Variants in UBE2E2 observed in about 807,000 individuals in gnomAD.
UBE2E2 encodes the protein ubiquitin-conjugating enzyme E2 E2.
Under a neutral mutation model 24.7 loss-of-function variants are expected in UBE2E2, and 6 were observed. That is an observed-to-expected ratio of 0.24 (90% CI 0.13 to 0.48). UBE2E2 has a LOEUF of 0.48. Ranked by LOEUF, UBE2E2 falls within the 20% of genes least tolerant of loss-of-function variation. UBE2E2 has a pLI of 0.99. For synonymous variants in UBE2E2, 104 were observed against 83.6 expected, an observed-to-expected ratio of 1.24 and a Z score of -1.33; for missense variants, 169 against 245.0, an observed-to-expected ratio of 0.69 and a Z score of 2.07.
intron 3 of UBE2E2, among the ~76,000 whole-genome samples, chr3:23,293,133 T>G (rs564044807): frequency 1.3e-5 from 2 of 152,354 alleles, no homozygotes; most frequent in East Asian, 3.9e-4. Context: ...ATTAAATATT[T>G]GGCACAGTGC....
chr3:23,551,748 A>C (rs1429882507), intron 5 of UBE2E2, among the ~76,000 whole-genome samples: 1 of 152,186 alleles, frequency 6.6e-6, no homozygotes, highest in Non-Finnish European at 1.5e-5. Flanking sequence ...AGATGACGAT[A>C]GGGATGTAAA....
intron 3 of UBE2E2, among the ~76,000 whole-genome samples, chr3:23,291,953 G>A (rs1262591346): frequency 1.4e-5 from 2 of 145,436 alleles, no homozygotes; most frequent in Admixed American, 7.6e-5. Context: ...CCACCTCCTG[G>A]GTTCATGCCA....
chr3:23,233,560 T>G (rs1463796562), intron 3 of UBE2E2, among the ~76,000 whole-genome samples: 1 of 152,184 alleles, frequency 6.6e-6, no homozygotes, highest in African/African-American at 2.4e-5. Flanking sequence ...GAACAAAACC[T>G]TATGCATTTT....
chr3:23,307,222 T>A lies in UBE2E2; in HGVS notation c.227+89910T>A, dbSNP rs1156391784. Among the ~76,000 whole-genome samples, 5 of 152,286 alleles carry A rather than the reference T, an allele frequency of 3.3e-5. No homozygotes were observed. The South Asian group carries it at 1.0e-3, about 32-fold the overall frequency. On this transcript the variant is annotated intron_variant, in intron 3 of 5. Coordinates refer to ENST00000396703, the MANE Select transcript of UBE2E2 (RefSeq NM_152653.4). ...ATATACTGTTGCAGTTTCATAGCTG[T>A]CAATGTCTTCTCTTTCTGAGGATAT...
intron 5 of UBE2E2, among the ~76,000 whole-genome samples, chr3:23,576,497 T>C (rs924774146): frequency 1.3e-5 from 2 of 152,206 alleles, no homozygotes; most frequent in Non-Finnish European, 2.9e-5. Context: ...ATCACCACCA[T>C]GTCCCTATCT....
At chr3:23,316,141 T>C (rs1694571048) in intron 3 of UBE2E2, among the ~76,000 whole-genome samples, 1 of 152,108 alleles carries the variant, frequency 6.6e-6, no homozygotes, top group Non-Finnish European at 1.5e-5. Context: ...CTGCCTGTGT[T>C]TGCTTAAGGT....
intron 4 of UBE2E2, among the ~76,000 whole-genome samples, chr3:23,523,886 T>G (rs1694927076): frequency 6.6e-6 from 1 of 151,696 alleles, no homozygotes; most frequent in South Asian, 2.1e-4. Flanking sequence ...ATAGTGAGCC[T>G]AATGATGTTA....
At chr3:23,463,274 G>C (rs909735553) in intron 3 of UBE2E2, among the ~76,000 whole-genome samples, 1 of 152,074 alleles carries the variant, frequency 6.6e-6, no homozygotes, top group African/African-American at 2.4e-5. Flanking sequence ...AGGTGGGAAT[G>C]ATTAGTGGCT....
intron 4 of UBE2E2, among the ~76,000 whole-genome samples, chr3:23,527,109 C>T (rs1350691178): frequency 6.6e-6 from 1 of 152,116 alleles, no homozygotes; most frequent in African/African-American, 2.4e-5. Flanking sequence ...ATTAAAACCA[C>T]ACTGAGGTAT....
At chr3:23,306,858 C>T (rs747882356) in intron 3 of UBE2E2, among the ~76,000 whole-genome samples, 1 of 152,156 alleles carries the variant, frequency 6.6e-6, no homozygotes, top group Non-Finnish European at 1.5e-5. Flanking sequence ...CCAGACAGAC[C>T]TGTTACTCAT....
At chr3:23,231,867 T>C (rs1383040655) in intron 3 of UBE2E2, among the ~76,000 whole-genome samples, 1 of 152,198 alleles carries the variant, frequency 6.6e-6, no homozygotes, top group Non-Finnish European at 1.5e-5. Flanking sequence ...ATATATAGGT[T>C]GAGGTCTGGA....
At chr3:23,380,704 A>G (rs1265607010) in intron 3 of UBE2E2, among the ~76,000 whole-genome samples, 3 of 152,168 alleles carry the variant, frequency 2.0e-5, no homozygotes, top group African/African-American at 7.2e-5. Context: ...TGCACCTACT[A>G]TCAGTGACTT....
At chr3:23,504,926 T>TTTTTTTTTTTTTTTTTTTTTTG (rs1232574541) in intron 4 of UBE2E2, among the ~76,000 whole-genome samples, 1 of 147,280 alleles carries the variant, frequency 6.8e-6, no homozygotes, top group Non-Finnish European at 1.5e-5. Context: ...TTTTTTTTTT[T>TTTTTTTTTTTTTTTTTTTTTTG]GAGACAGGGT....
chr3:23,381,897 G>A (rs1696679043), intron 3 of UBE2E2, among the ~76,000 whole-genome samples: 1 of 152,188 alleles, frequency 6.6e-6, no homozygotes, highest in African/African-American at 2.4e-5. Flanking sequence ...GGAGAAGGAT[G>A]TAGACTGAGA....
intron 4 of UBE2E2, among the ~76,000 whole-genome samples, chr3:23,514,510 C>A (rs1163729731): frequency 6.6e-6 from 1 of 152,016 alleles, no homozygotes; most frequent in African/African-American, 2.4e-5. Context: ...AATTCTTATA[C>A]CCAGAAGGCA....
intron 3 of UBE2E2, among the ~76,000 whole-genome samples, chr3:23,268,082 A>G (rs909009677): frequency 7.9e-5 from 12 of 151,854 alleles, no homozygotes; most frequent in South Asian, 2.1e-4. Flanking sequence ...ATCTATGACA[A>G]ACCCACAGGC....
intron 3 of UBE2E2, among the ~76,000 whole-genome samples, chr3:23,389,013 AAAAAAGAAAAAG>A (rs571131268): frequency 6.7e-6 from 1 of 148,526 alleles, no homozygotes; most frequent in Non-Finnish European, 1.5e-5. Context: ...AAAAAAAAAA[AAAAAAGAAAAAG>A]AAAAAGAAAA....
At chr3:23,575,788 A>T (rs942715361) in intron 5 of UBE2E2, among the ~76,000 whole-genome samples, 1 of 152,164 alleles carries the variant, frequency 6.6e-6, no homozygotes, top group Non-Finnish European at 1.5e-5. Flanking sequence ...GTCCTCAAAG[A>T]TTTATACAAG....
At chr3:23,203,956 CGGA>C (rs1469099509) in intron 1 of UBE2E2, among the ~76,000 whole-genome samples, 3 of 152,018 alleles carry the variant, frequency 2.0e-5, no homozygotes, top group Non-Finnish European at 4.4e-5. Flanking sequence ...GTGGCCCGCC[CGGA>C]GAAGACCTTG....
Sources: gnomAD v4.1 joint callset for allele counts (sites outside exome capture counted in the v4.1 genomes callset) on GRCh38, gnomAD v4.1.1 for gene constraint, MANE v1.5 for transcripts, NCBI Gene and HGNC (gene_info 2026-07-23, HGNC 2026-07-21) for gene names.